The following IAH1 variants were observed in gnomAD, a reference collection of about 807,000 sequenced individuals.
The protein encoded by IAH1 is isoamyl acetate-hydrolyzing esterase 1 homolog.
Under a neutral mutation model 26.7 loss-of-function variants are expected in IAH1, and 24 were observed. The observed-to-expected ratio is 0.90, with a 90% CI of 0.65 to 1.26. IAH1 has a LOEUF of 1.26. Among genes scored for constraint, IAH1 ranks in the 50% most tolerant of loss-of-function variants. The probability of loss-of-function intolerance (pLI) is 0.00; values close to 1 mark genes in which losing one functional copy is unlikely to be tolerated. For synonymous variants in IAH1, 140 were observed against 118.5 expected, an observed-to-expected ratio of 1.18 and a Z score of -1.18; for missense variants, 300 against 299.9, an observed-to-expected ratio of 1.00 and a Z score of 0.00.
the IAH1 span, among the ~76,000 whole-genome samples, chr2:9,510,537 G>A: frequency 3.9e-5 from 6 of 152,084 alleles, no homozygotes; most frequent in African/African-American, 9.7e-5. Context: ...GGAGGCACGC[G>A]CCTGTAATCT....
At chr2:9,492,529 C>A (rs1662241415), downstream of IAH1, among the ~76,000 whole-genome samples, 1 of 152,154 alleles carries the variant, frequency 6.6e-6, no homozygotes, top group Non-Finnish European at 1.5e-5. Flanking sequence ...TGGGGAACAT[C>A]TGAAATGCCG....
downstream of IAH1, chr2:9,492,753 C>T: frequency 1.7e-6 from 1 of 585,190 alleles, no homozygotes; most frequent in Non-Finnish European, 2.9e-6. Flanking sequence ...AGACATGTTC[C>T]CCTAGGAATA....
At chr2:9,475,007 G>C (rs1267668353) in intron 1 of IAH1, 7 of 1,099,414 alleles carry the variant, frequency 6.4e-6, no homozygotes, top group South Asian at 4.4e-5. Flanking sequence ...TAGCGGCCGC[G>C]GGCGACCGCG....
the IAH1 span, among the ~76,000 whole-genome samples, chr2:9,503,837 CAAA>C: frequency 4.8e-5 from 6 of 124,798 alleles, no homozygotes; most frequent in Non-Finnish European, 3.3e-5. Context: ...GACTCCGTCT[CAAA>C]AAAAAAAAAA....
chr2:9,484,554 C>T lies in IAH1; in HGVS notation c.564+4C>T, dbSNP rs202203117. ...GACCCTGATGCAGGACAGCCAGGTACGGTGGCTTGCTCGGTCCTCTCGGGG... is the reference window on the plus strand; with the variant it reads ...GACCCTGATGCAGGACAGCCAGGTATGGTGGCTTGCTCGGTCCTCTCGGGG... On this transcript the variant is annotated splice_donor_region_variant and intron_variant, in intron 5 of 5. Coordinates refer to ENST00000497473, the MANE Select transcript of IAH1 (RefSeq NM_001039613.3). 7.5e-6 allele frequency: 12 copies of T among 1,593,152 alleles called. No individual in the cohort carries two copies. The highest frequency in any genetic ancestry group is 1.7e-5 in the Admixed American group (1 of 59,964).
At chr2:9,476,601 G>C (rs769024143) in intron 2 of IAH1, among the ~76,000 whole-genome samples, 95 of 152,318 alleles carry the variant, frequency 6.2e-4, no homozygotes, top group Non-Finnish European at 1.1e-3. Flanking sequence ...GATGGGTAGG[G>C]CAGTACTATA....
intron 3 of IAH1, among the ~76,000 whole-genome samples, chr2:9,480,066 C>T (rs1172368847): frequency 3.9e-5 from 6 of 151,994 alleles, no homozygotes; most frequent in African/African-American, 9.7e-5. Context: ...GCCTCGGCCT[C>T]CCAAAGTGCT....
At chr2:9,487,833 T>TGTGTGTGCGCGC (rs1192269311) in intron 5 of IAH1, among the ~76,000 whole-genome samples, 2 of 82,706 alleles carry the variant, frequency 2.4e-5, no homozygotes, top group East Asian at 3.5e-4. Flanking sequence ...TGTGTGTGTG[T>TGTGTGTGCGCGC]GCGCGCGCGC....
chr2:9,507,813 C>A, the IAH1 span, among the ~76,000 whole-genome samples: 2 of 152,076 alleles, frequency 1.3e-5, no homozygotes, highest in Non-Finnish European at 2.9e-5. Context: ...TTGAACTCCC[C>A]GGGTTCCTCC....
downstream of IAH1, among the ~76,000 whole-genome samples, chr2:9,492,002 G>C (rs1037080515): frequency 6.6e-6 from 1 of 152,212 alleles, no homozygotes; most frequent in Non-Finnish European, 1.5e-5. Flanking sequence ...TTCAGCACAA[G>C]TGCTCCCTAG....
chr2:9,478,263 C>T lies in IAH1; in HGVS notation c.176C>T (p.Thr59Ile), dbSNP rs777425829. 1.1e-5 allele frequency: 17 copies of T among 1,612,596 alleles called. No homozygotes were observed. Among genetic ancestry groups the T allele is most frequent in the Non-Finnish European group, 1.4e-5 (16 of 1,179,438 alleles). ...VLNRGFSGYN[T>I]RWAKIILPRL... ...AATCGTGGATTTTCAGGTTACAATA[C>T]CAGGTGGGCCAAAATTATCCTTCCA... Residue 59 changes from threonine to isoleucine, a missense_variant, in exon 3 of 6, where the codon ACC (threonine) becomes ATC (isoleucine). Thr to Ile is a moderately conservative substitution (Grantham distance 89). Transcript: ENST00000497473.
At chr2:9,473,878 C>T (rs1682307842), upstream of IAH1, 1 of 152,210 alleles carries the variant, frequency 6.6e-6, no homozygotes, top group African/African-American at 2.4e-5. Flanking sequence ...GCTCGGCTGC[C>T]GAACTTCATT....
At chr2:9,511,548 G>A in the IAH1 span, among the ~76,000 whole-genome samples, 1 of 152,022 alleles carries the variant, frequency 6.6e-6, no homozygotes, top group African/African-American at 2.4e-5. Flanking sequence ...ATGACCTAGA[G>A]GACTTGGTTT....
chr2:9,493,423 TAAAC>T (rs1046137172), downstream of IAH1, among the ~76,000 whole-genome samples: 3 of 152,196 alleles, frequency 2.0e-5, no homozygotes, highest in Non-Finnish European at 2.9e-5. Context: ...TTCAGTCAAA[TAAAC>T]ACTCTTACAT....
chr2:9,488,455 A>AT lies in IAH1; in HGVS notation c.*131dup, dbSNP rs1661764912. The AT allele has an allele frequency of 4.4e-6, 3 of 685,272 alleles. No individual in the cohort carries two copies. Among genetic ancestry groups the AT allele is most frequent in the Admixed American group, 3.5e-5 (1 of 28,238 alleles). 42.4% of individuals were successfully genotyped at this position (685,272 alleles called of 1,614,324 possible). On this transcript the variant is annotated 3_prime_UTR_variant, in exon 6 of 6. Transcript: ENST00000497473. Reference sequence around the variant, plus strand: ...ATATTAATAATAAAAGTATTAGATGATTTTTCAGGGAAGTTTTATACTTAG... The same window carrying AT: ...ATATTAATAATAAAAGTATTAGATGATTTTTTCAGGGAAGTTTTATACTTAG...
At chr2:9,511,765 G>A in the IAH1 span, among the ~76,000 whole-genome samples, 1 of 152,144 alleles carries the variant, frequency 6.6e-6, no homozygotes, top group East Asian at 1.9e-4. Context: ...GAGGTCAGGA[G>A]TTCCAGACCA....
downstream of IAH1, chr2:9,492,909 C>T (rs751073259): frequency 1.2e-6 from 2 of 1,611,598 alleles, no homozygotes; most frequent in Admixed American, 3.3e-5. Flanking sequence ...ACACAATGGA[C>T]AAGAATGCTG....
In IAH1 at chr2:9,488,144, T is replaced by G; in HGVS notation, c.565-3T>G. ...ACCTTTAACCGATTTCTCTCCCTTC[T>G]AGGACTTCTCATCTTATTTATCAGA... On this transcript the variant is annotated splice_region_variant and splice_polypyrimidine_tract_variant and intron_variant, in intron 5 of 5. Transcript: ENST00000497473. 6.3e-7 allele frequency: 1 copy of G among 1,598,388 alleles called. No individual in the cohort carries two copies. Among genetic ancestry groups the G allele is most frequent in the Non-Finnish European group, 8.5e-7 (1 of 1,173,674 alleles).
downstream of IAH1, chr2:9,492,787 T>C (rs1662268838): frequency 1.2e-6 from 1 of 846,584 alleles, no homozygotes; most frequent in Non-Finnish European, 1.8e-6. Flanking sequence ...CTATTGGAAA[T>C]ATCAGGCCAA....
Sources: gnomAD v4.1 joint callset for allele counts (sites outside exome capture counted in the v4.1 genomes callset) on GRCh38, gnomAD v4.1.1 for gene constraint, MANE v1.5 for transcripts, NCBI Gene and HGNC (gene_info 2026-07-23, HGNC 2026-07-21) for gene names.